Variants in MROH2A observed in about 807,000 individuals in gnomAD.
MROH2A encodes maestro heat like repeat family member 2A.
MROH2A carries 174 observed loss-of-function variants against 200.4 expected under a neutral mutation model. That is an observed-to-expected ratio of 0.87 (90% CI 0.77 to 0.98). The LOEUF (loss-of-function observed/expected upper bound fraction) is 0.98, where lower values mean the gene tolerates loss of function less well. Ranked by LOEUF, MROH2A falls within the 50% of genes least tolerant of loss-of-function variation. MROH2A has a pLI of 0.00. For synonymous variants in MROH2A, 829 were observed against 840.4 expected (o/e 0.99, Z 0.23); for missense variants, 2,045 against 2,139.6 (o/e 0.96, Z 0.87).
intron 38 of MROH2A, among the ~76,000 whole-genome samples, chr2:233,830,740 C>T (rs1704676094): frequency 6.6e-6 from 1 of 152,168 alleles, no homozygotes; most frequent in Non-Finnish European, 1.5e-5. Context: ...CTCACCACCC[C>T]AGCTTCTGGA....
rs975187573 is a variant in MROH2A, at chr2:233,816,774, C to G, written c.2857-7C>G. ...ACCCACTTTGGTGTTCTGGGCTCTA[C>G]CCATAGCTCCTGGAAAAGTGGATCT... is the stretch of plus-strand genomic sequence containing the variant. On this transcript the variant is annotated splice_polypyrimidine_tract_variant and splice_region_variant and intron_variant, in intron 26 of 41. Coordinates refer to ENST00000389758, the MANE Select transcript of MROH2A (RefSeq NM_001394639.1). 3.6e-5 allele frequency: 56 copies of G among 1,546,742 alleles called. No homozygotes were observed. Among genetic ancestry groups the G allele is most frequent in the Non-Finnish European group, 4.6e-5 (53 of 1,143,808 alleles).
rs1251636818 is a variant in MROH2A at position 233,805,000 on chromosome 2, C to T, written c.1945-4C>T. 1.2e-5 allele frequency: 19 copies of T among 1,542,168 alleles called. No individual in the cohort carries two copies. Among genetic ancestry groups the T allele is most frequent in the Non-Finnish European group, 1.7e-5 (19 of 1,140,010 alleles). On this transcript the variant is annotated splice_polypyrimidine_tract_variant and splice_region_variant and intron_variant, in intron 18 of 41. Coordinates refer to ENST00000389758, the MANE Select transcript of MROH2A (RefSeq NM_001394639.1). The stretch of plus-strand genomic sequence containing the variant: ...CTTCTCACCAACGTCTTGTGCCTCC[C>T]CAGTTTCTGCGAAACTCCCTCAAGA...
At chr2:233,822,006 G>A (rs893641086) in intron 31 of MROH2A, 118 bp from the exon 32 acceptor site, 22 of 1,274,464 alleles carry the variant, frequency 1.7e-5, no homozygotes, top group Non-Finnish European at 2.2e-5. Flanking sequence ...GCCTCCCTGA[G>A]ATTCAGTCCC....
At position 233,829,658 on chromosome 2, in the gene MROH2A, T is replaced by C; in HGVS notation, c.4485T>C (p.Phe1495=). Reference sequence around the variant, plus strand: ...TGCGTCTGAAAGCCTTCATCCTCTTTGGAAAGCTGGCAAGGGTGGTCGGGA... The same window carrying C: ...TGCGTCTGAAAGCCTTCATCCTCTTCGGAAAGCTGGCAAGGGTGGTCGGGA... The part of the protein sequence containing the change: ...ELLRLKAFIL[F]GKLARVVGMS... The change falls in exon 38 of 42, where the codon TTT becomes TTC. Residue 1495 remains phenylalanine (F), a synonymous_variant. Coordinates refer to ENST00000389758, the MANE Select transcript of MROH2A (RefSeq NM_001394639.1). The C allele has an allele frequency of 1.4e-6, 2 of 1,479,608 alleles. No individual in the cohort carries two copies. Among genetic ancestry groups the C allele is most frequent in the Non-Finnish European group, 1.8e-6 (2 of 1,113,306 alleles). 91.7% of individuals were successfully genotyped at this position (1,479,608 alleles called of 1,614,324 possible).
chr2:233,815,332 G>A (rs937357951), intron 26 of MROH2A, among the ~76,000 whole-genome samples: 20 of 152,186 alleles, frequency 1.3e-4, no homozygotes, highest in African/African-American at 4.3e-4. Context: ...TATGTGATTT[G>A]CAAATATTTT....
Position 233,809,294 on chromosome 2 carries a change from G to A in MROH2A, c.2448+16G>A. ...CAGCTGCCAGGTAGCCCCATCTGCT[G>A]CCTGGGGGGATGTCTTCTGGACCAG... is the stretch of plus-strand genomic sequence containing the variant. On this transcript the variant is annotated intron_variant, in intron 22 of 41. Coordinates refer to ENST00000389758, the MANE Select transcript of MROH2A (RefSeq NM_001394639.1). 1 of 1,547,484 alleles carries A rather than the reference G, an allele frequency of 6.5e-7. No homozygotes were observed. The highest frequency in any genetic ancestry group is 8.7e-7 in the Non-Finnish European group (1 of 1,144,402).
At chr2:233,795,773 G>A in intron 9 of MROH2A, 28 bp downstream of exon 9, 1 of 1,550,888 alleles carries the variant, frequency 6.4e-7, no homozygotes, top group Non-Finnish European at 8.7e-7. Flanking sequence ...AGCTGGACAA[G>A]GGCATTCTCT....
chr2:233,801,719 A>C (rs1302632146), intron 14 of MROH2A, among the ~76,000 whole-genome samples: 1 of 152,180 alleles, frequency 6.6e-6, no homozygotes, highest in Non-Finnish European at 1.5e-5. Context: ...CTTCACAACA[A>C]CACCTAGATT....
chr2:233,782,460 T>C (rs1004623711), intron 3 of MROH2A, among the ~76,000 whole-genome samples: 2 of 152,254 alleles, frequency 1.3e-5, no homozygotes, highest in African/African-American at 4.8e-5. Context: ...TTGTGGCTAT[T>C]GTAAATGAAA....
chr2:233,799,860 G>A lies in MROH2A; in HGVS notation c.1410G>A (p.Lys470=). Residue 470 remains lysine, a synonymous_variant, in exon 13 of 42, where the codon AAG becomes AAA. Transcript: ENST00000389758. ...AGAGAATCAAAGGCTGGGGCCTGAA[G>A]TACCTGTCTGTGCAGCTGACCTTAT... ...YQERIKGWGL[K]YLSVQLTLST... The A allele has an allele frequency of 6.4e-7, 1 of 1,550,564 alleles. No individual in the cohort carries two copies. The highest frequency in any genetic ancestry group is 1.4e-5 in the African/African-American group (1 of 73,144).
chr2:233,806,103 T>C (rs1286251428), intron 19 of MROH2A, among the ~76,000 whole-genome samples: 4 of 151,822 alleles, frequency 2.6e-5, no homozygotes, highest in Non-Finnish European at 5.9e-5. Flanking sequence ...AATAATACAA[T>C]AGAGAAAGTG....
At chr2:233,818,600 T>C in intron 28 of MROH2A, 52 bp from the exon 29 acceptor site, 1 of 1,155,284 alleles carries the variant, frequency 8.7e-7, no homozygotes, top group Non-Finnish European at 1.3e-6. Flanking sequence ...GAAGGGGGGG[T>C]GGCTGGGCCT....
At chr2:233,796,608 G>A (rs1397757461) in intron 11 of MROH2A, among the ~76,000 whole-genome samples, 1 of 152,052 alleles carries the variant, frequency 6.6e-6, no homozygotes, top group East Asian at 1.9e-4. Context: ...CACCACATAG[G>A]CATAACTCTG....
rs538440535 is a variant in MROH2A, at chr2:233,820,615, C to T, written c.3512+559C>T. Among the ~76,000 whole-genome samples the T allele has an allele frequency of 6.6e-6, 1 of 152,120 alleles. No individual in the cohort carries two copies. The highest frequency in any genetic ancestry group is 2.1e-4 in the South Asian group (1 of 4,806). On this transcript the variant is annotated intron_variant, in intron 31 of 41. Coordinates refer to ENST00000389758, the MANE Select transcript of MROH2A (RefSeq NM_001394639.1). The surrounding 1 kb of genome is among the most constrained non-coding windows in gnomAD (Gnocchi z 4.1). ...GTGTGCTACAGCATGATGGCACAGGCAGCTGGGCATGGTCTCCCCACATGT... is the reference window on the plus strand; with the variant it reads ...GTGTGCTACAGCATGATGGCACAGGTAGCTGGGCATGGTCTCCCCACATGT...
chr2:233,806,843 C>T (rs542791731), intron 19 of MROH2A, among the ~76,000 whole-genome samples: 2 of 152,014 alleles, frequency 1.3e-5, no homozygotes, highest in African/African-American at 4.8e-5. Flanking sequence ...TGGTGGTCTT[C>T]GGTTACATGA....
intron 13 of MROH2A, 113 bp downstream of exon 13, chr2:233,800,012 C>A: frequency 1.4e-6 from 2 of 1,393,292 alleles, no homozygotes; most frequent in Middle Eastern, 1.8e-4. Context: ...CGTATCCATT[C>A]ATGACAGGAG....
chr2:233,812,360 T>G (rs1291300621), intron 24 of MROH2A, among the ~76,000 whole-genome samples: 1 of 152,212 alleles, frequency 6.6e-6, no homozygotes, highest in African/African-American at 2.4e-5. Flanking sequence ...CAAAATGATC[T>G]AAAGCCCAAG....
intron 19 of MROH2A, 79 bp downstream of exon 19, chr2:233,805,190 T>C: frequency 1.1e-6 from 1 of 941,498 alleles, no homozygotes; most frequent in South Asian, 1.5e-5. Context: ...TAACACCGTG[T>C]GTGTGAGATC....
In MROH2A at chr2:233,818,818, C is replaced by T. The variant is rs1045244733; in HGVS notation, c.3204+48C>T. The T allele has an allele frequency of 1.5e-5, 19 of 1,285,652 alleles. No homozygotes were observed. The Admixed American group carries it at 3.7e-4, about 25-fold the overall frequency. 79.6% of individuals were successfully genotyped at this position (1,285,652 alleles called of 1,614,324 possible). A position where few individuals can be genotyped will look rare whatever the true frequency, so the allele number is the denominator to read the frequency against. ...GGGCTGCCAGGCTGGTCTCAGGGCC[C>T]TTGGCCGTCTCTCAGGGAGGGAGGC... On this transcript the variant is annotated intron_variant, in intron 29 of 41. Transcript: ENST00000389758.
Sources: gnomAD v4.1 joint callset for allele counts (sites outside exome capture counted in the v4.1 genomes callset) on GRCh38, gnomAD v4.1.1 for gene constraint, Gnocchi (gnomAD v3.1) non-coding constraint, MANE v1.5 for transcripts, NCBI Gene and HGNC (gene_info 2026-07-23, HGNC 2026-07-21) for gene names.